The following TCAIM variants were observed in gnomAD, a reference collection of about 807,000 sequenced individuals.
The protein encoded by TCAIM is T-cell activation inhibitor, mitochondrial.
A neutral mutation model predicts 58.6 loss-of-function variants in TCAIM; 36 were observed. The observed-to-expected ratio is 0.61, with a 90% confidence interval of 0.47 to 0.81. The LOEUF is 0.81. Among genes scored for constraint, TCAIM ranks in the 30% least tolerant of loss-of-function variants. The pLI, the probability that TCAIM is intolerant of heterozygous loss-of-function variation, is 0.00. For missense variants in TCAIM, 466 were observed against 579.6 expected (o/e 0.80, Z 2.01); for synonymous variants, 172 against 193.6 (o/e 0.89, Z 0.93).
chr3:44,401,050 G>A, intron 9 of TCAIM, 153 bp from the exon 10 acceptor site: 1 of 1,099,484 alleles, frequency 9.1e-7, no homozygotes, highest in Non-Finnish European at 1.3e-6. Flanking sequence ...GTGTCTTTGG[G>A]GGCAGCAAAG....
intron 1 of TCAIM, chr3:44,339,660 C>A (rs1255559370): frequency 1.3e-5 from 2 of 152,130 alleles, no homozygotes; most frequent in Non-Finnish European, 2.9e-5. Flanking sequence ...TAAATTTTAT[C>A]CTTCCCGGTC....
At chr3:44,391,566 T>C (rs1436089958) in intron 5 of TCAIM, among the ~76,000 whole-genome samples, 1 of 152,154 alleles carries the variant, frequency 6.6e-6, no homozygotes, top group Non-Finnish European at 1.5e-5. Context: ...TTAGAGAACA[T>C]CTTTCTGCTG....
intron 8 of TCAIM, among the ~76,000 whole-genome samples, chr3:44,397,054 T>G (rs1315899647): frequency 6.6e-6 from 1 of 152,242 alleles, no homozygotes; most frequent in African/African-American, 2.4e-5. Context: ...AGTTTTTATC[T>G]GGTAATATTG....
chr3:44,376,006 A>G (rs759775748), intron 5 of TCAIM, among the ~76,000 whole-genome samples: 2 of 152,252 alleles, frequency 1.3e-5, no homozygotes, highest in Non-Finnish European at 2.9e-5. Flanking sequence ...AAAGGAATGA[A>G]GTACTGATAC....
chr3:44,348,373 T>C (rs1278016118), intron 1 of TCAIM, among the ~76,000 whole-genome samples: 2 of 152,100 alleles, frequency 1.3e-5, no homozygotes, highest in Middle Eastern at 3.2e-3. Flanking sequence ...CCCGGGCAAG[T>C]TGGACAGTCC....
intron 5 of TCAIM, among the ~76,000 whole-genome samples, chr3:44,386,039 A>AGAC (rs977702093): frequency 7.9e-5 from 12 of 151,606 alleles, no homozygotes; most frequent in African/African-American, 2.9e-4. Flanking sequence ...ACATAATTTC[A>AGAC]GACCCACAGA....
chr3:44,385,632 A>G (rs917468664), intron 5 of TCAIM, among the ~76,000 whole-genome samples: 2 of 152,164 alleles, frequency 1.3e-5, no homozygotes, highest in African/African-American at 4.8e-5. Context: ...AGTCCCAGCT[A>G]CTTGGGAGGC....
chr3:44,366,245 G>A (rs1701371843), intron 4 of TCAIM, among the ~76,000 whole-genome samples: 1 of 151,254 alleles, frequency 6.6e-6, no homozygotes, highest in Non-Finnish European at 1.5e-5. Flanking sequence ...TAACAATTTA[G>A]ATTACTTACC....
chr3:44,358,766 G>A (rs1248953598), intron 3 of TCAIM: 1 of 985,524 alleles, frequency 1.0e-6, no homozygotes. Context: ...TTACTTCAGT[G>A]TTCCTTCTAT....
At chr3:44,388,716 G>A (rs912774422) in intron 5 of TCAIM, among the ~76,000 whole-genome samples, 11 of 152,200 alleles carry the variant, frequency 7.2e-5, no homozygotes, top group Middle Eastern at 3.4e-3. Context: ...TGGTTGCCAC[G>A]TGTTGATTTC....
chr3:44,399,887 T>C (rs967757950), intron 8 of TCAIM, among the ~76,000 whole-genome samples: 1 of 152,206 alleles, frequency 6.6e-6, no homozygotes, highest in African/African-American at 2.4e-5. Context: ...ACTTGAAGTG[T>C]CCAGCTCAGT....
intron 5 of TCAIM, among the ~76,000 whole-genome samples, chr3:44,376,965 C>T (rs1334218819): frequency 2.0e-5 from 3 of 152,180 alleles, no homozygotes; most frequent in African/African-American, 4.8e-5. Flanking sequence ...TGGCAGGCAC[C>T]TGTAGCCCCA....
intron 5 of TCAIM, among the ~76,000 whole-genome samples, chr3:44,370,842 A>T (rs1701456108): frequency 6.6e-6 from 1 of 150,810 alleles, no homozygotes; most frequent in Non-Finnish European, 1.5e-5. Context: ...CCTGGGCTCA[A>T]GTGATCCTCC....
At chr3:44,377,214 A>G (rs530256757) in intron 5 of TCAIM, among the ~76,000 whole-genome samples, 2 of 152,340 alleles carry the variant, frequency 1.3e-5, no homozygotes, top group African/African-American at 4.8e-5. Context: ...AATAGTAACC[A>G]AAAGAGAGTT....
At chr3:44,388,901 G>T (rs1024906982) in intron 5 of TCAIM, among the ~76,000 whole-genome samples, 2 of 152,148 alleles carry the variant, frequency 1.3e-5, no homozygotes, top group Admixed American at 6.5e-5. Context: ...TTCTAGTAGG[G>T]ATTGGTTTGT....
chr3:44,409,322 A>C lies in TCAIM; in HGVS notation c.*1640A>C, dbSNP rs1702146579. 1 of 152,210 alleles carries C rather than the reference A, an allele frequency of 6.6e-6. No individual in the cohort carries two copies. The highest frequency in any genetic ancestry group is 2.4e-5 in the African/African-American group (1 of 41,446). 9.4% of individuals were successfully genotyped at this position (152,210 alleles called of 1,614,324 possible). A position where few individuals can be genotyped will look rare whatever the true frequency, so the allele number is the denominator to read the frequency against. ...AAATTCCTTAAGTGTTATATAAGAA[A>C]ATATATTAGAAAATCAGCTTTGGAT... is the stretch of plus-strand genomic sequence containing the variant. On this transcript the variant is annotated 3_prime_UTR_variant, in exon 11 of 11. Transcript: ENST00000342649.
At chr3:44,357,720 C>T in intron 2 of TCAIM, 21 bp from the exon 3 acceptor site, 3 of 1,611,860 alleles carry the variant, frequency 1.9e-6, no homozygotes, top group Non-Finnish European at 2.5e-6. Context: ...AATGAATAAC[C>T]AGTCCACATC....
intron 5 of TCAIM, 39 bp downstream of exon 5, chr3:44,367,747 GT>G (rs1205717318): frequency 6.5e-7 from 1 of 1,537,112 alleles, no homozygotes; most frequent in Non-Finnish European, 8.8e-7. Flanking sequence ...TGTATTTGTA[GT>G]TTGTGTTTAT....
intron 1 of TCAIM, among the ~76,000 whole-genome samples, chr3:44,342,047 G>T (rs1700864843): frequency 6.6e-6 from 1 of 152,130 alleles, no homozygotes; most frequent in Non-Finnish European, 1.5e-5. Context: ...TATCAATATA[G>T]ATAACGTTTT....
Sources: allele counts gnomAD v4.1 joint callset (sites outside exome capture counted in the v4.1 genomes callset), GRCh38; gene constraint gnomAD v4.1.1; transcripts MANE v1.5; gene names NCBI Gene and HGNC (gene_info 2026-07-23, HGNC 2026-07-21).